TRIM16: variants seen among roughly 807,000 people sequenced by gnomAD.
The protein encoded by TRIM16 is tripartite motif-containing protein 16.
In TRIM16, 33 loss-of-function variants were observed where a neutral mutation model predicts 50.4. The ratio of observed to expected loss-of-function variants is 0.65; its 90% confidence interval spans 0.50 to 0.88. TRIM16 has a LOEUF of 0.88. Ranked by LOEUF, TRIM16 falls within the 40% of genes least tolerant of loss-of-function variation. The pLI is 0.00. For synonymous variants in TRIM16, 229 were observed against 270.7 expected, an observed-to-expected ratio of 0.85 and a Z score of 1.51; for missense variants, 581 against 686.8, an observed-to-expected ratio of 0.85 and a Z score of 1.72.
chr17:15,680,933 C>T lies in TRIM16; in HGVS notation c.-658G>A. 5 of 1,541,014 alleles carry T rather than the reference C, an allele frequency of 3.2e-6. No homozygotes were observed. The highest frequency in any genetic ancestry group is 4.4e-6 in the Non-Finnish European group (5 of 1,144,192). On this transcript the variant is annotated 5_prime_UTR_variant, in exon 4 of 12. Coordinates refer to ENST00000649191, the MANE Select transcript of TRIM16 (RefSeq NM_001348119.1). ...TTAAGATACCCCTTTTGGGAAAGGG[C>T]AGGGTCCTCAGAGGGCAGAACTGGA...
chr17:15,652,708 G>A (rs1378432108), intron 6 of TRIM16, among the ~76,000 whole-genome samples: 2 of 152,102 alleles, frequency 1.3e-5, no homozygotes, highest in East Asian at 3.9e-4. Context: ...TGATCTGCCT[G>A]CCTGGGCTTC....
At chr17:15,650,422 G>A (rs1056952827) in intron 7 of TRIM16, among the ~76,000 whole-genome samples, 3 of 152,162 alleles carry the variant, frequency 2.0e-5, no homozygotes, top group Admixed American at 6.5e-5. Context: ...TTCCTTATCC[G>A]ATGGAAATAA....
chr17:15,670,654 G>A (rs1988687246), intron 6 of TRIM16, among the ~76,000 whole-genome samples: 1 of 152,166 alleles, frequency 6.6e-6, no homozygotes, highest in Admixed American at 6.5e-5. Context: ...TCTATGAACA[G>A]GGATGATGAC....
At chr17:15,633,963 G>C (rs1489313023) in intron 9 of TRIM16, among the ~76,000 whole-genome samples, 1 of 148,376 alleles carries the variant, frequency 6.7e-6, no homozygotes. Flanking sequence ...GGGGGGCCGA[G>C]GTGGGTGGAT....
intron 7 of TRIM16, among the ~76,000 whole-genome samples, chr17:15,648,204 T>C (rs1224895007): frequency 1.4e-5 from 2 of 140,548 alleles, no homozygotes; most frequent in Non-Finnish European, 3.0e-5. Context: ...CCAGCCTGGG[T>C]GACAGAGCGA....
chr17:15,651,099 C>G lies in TRIM16; in HGVS notation c.511G>C (p.Asp171His). 6.2e-7 allele frequency: 1 copy of G among 1,607,762 alleles called. No individual in the cohort carries two copies. Among genetic ancestry groups the G allele is most frequent in the South Asian group, 1.1e-5 (1 of 90,160 alleles). The change falls in exon 7 of 12, where the codon GAC becomes CAC. Residue 171 changes from aspartate (D) to histidine (H), a missense_variant. Physicochemically the swap from Asp to His is moderately conservative, Grantham distance 81 (BLOSUM62 -1). This residue lies in a region of TRIM16 where 450 missense variants were observed against 544.3 expected (regional missense o/e 0.83). Coordinates refer to ENST00000649191, the MANE Select transcript of TRIM16 (RefSeq NM_001348119.1). ...TIVSLDAARRDKEAELQCTQL... is the reference protein window; with the variant it reads ...TIVSLDAARRHKEAELQCTQL... Reference sequence around the variant, plus strand: ...GGTCCCCAAGCACTCACCTCCTTGTCCCTGCGGGCTGCATCCAGGGAGACT... The same window carrying G: ...GGTCCCCAAGCACTCACCTCCTTGTGCCTGCGGGCTGCATCCAGGGAGACT...
Position 15,640,687 on chromosome 17 carries a change from G to A in TRIM16, c.615+2034C>T, listed in dbSNP as rs547810263. 9.9e-4 allele frequency among the ~76,000 whole-genome samples: 148 copies of A among 149,398 alleles called. 12 individuals are homozygous for A. Among genetic ancestry groups the A allele is most frequent in the African/African-American group, 3.3e-3 (132 of 40,422 alleles). On this transcript the variant is annotated intron_variant, in intron 8 of 11. Transcript: ENST00000649191. ...TGAAGAAATCTACCTCAGAAGACAG[G>A]AGAGTTTTGCTTATAACCATTTGGG...
intron 6 of TRIM16, among the ~76,000 whole-genome samples, chr17:15,670,058 G>T (rs1031034610): frequency 1.3e-5 from 2 of 152,216 alleles, no homozygotes; most frequent in African/African-American, 4.8e-5. Context: ...TCACTCATAA[G>T]AATATCACAC....
At chr17:15,658,406 AT>A (rs34903338) in intron 6 of TRIM16, among the ~76,000 whole-genome samples, 2,191 of 152,134 alleles carry the variant, frequency 0.014, 55 homozygotes, top group African/African-American at 0.05. Flanking sequence ...ATCTCACTGG[AT>A]TTTTTTCCTC....
At chr17:15,650,882 T>C (rs1459174645) in intron 7 of TRIM16, among the ~76,000 whole-genome samples, 2 of 152,068 alleles carry the variant, frequency 1.3e-5, no homozygotes, top group Admixed American at 1.3e-4. Context: ...GGGACAGAGA[T>C]GGGGACGGAG....
chr17:15,654,595 C>T (rs1987883805), intron 6 of TRIM16: 1 of 152,194 alleles, frequency 6.6e-6, no homozygotes, highest in African/African-American at 2.4e-5. Context: ...CTTTCCCAGG[C>T]ATTGTGAAGA....
chr17:15,637,395 T>TG (rs1332710261), intron 8 of TRIM16, among the ~76,000 whole-genome samples: 1 of 87,724 alleles, frequency 1.1e-5, no homozygotes, highest in East Asian at 3.8e-4. Context: ...GGGAGGGAGG[T>TG]GGGGGGGTCA....
At chr17:15,662,862 G>A (rs1216023517) in intron 6 of TRIM16, among the ~76,000 whole-genome samples, 3 of 152,212 alleles carry the variant, frequency 2.0e-5, no homozygotes, top group Non-Finnish European at 4.4e-5. Context: ...AGGGCCAGAA[G>A]CGGTCTTGGT....
rs866850436 is a variant in TRIM16, at chr17:15,640,716, G to A, written c.615+2005C>T. Among the ~76,000 whole-genome samples the A allele has an allele frequency of 4.4e-4, 66 of 149,034 alleles. 5 individuals carry two copies. The highest frequency in any genetic ancestry group is 9.7e-4 in the African/African-American group (39 of 40,300). ...GTTTTGCTTATAACCATTTGGGAGCGGGGGCAAATGGTGGTGATGGTGTTT... is the reference window on the plus strand; with the variant it reads ...GTTTTGCTTATAACCATTTGGGAGCAGGGGCAAATGGTGGTGATGGTGTTT... On this transcript the variant is annotated intron_variant, in intron 8 of 11. Coordinates refer to ENST00000649191, the MANE Select transcript of TRIM16 (RefSeq NM_001348119.1).
At position 15,640,492 on chromosome 17, in the gene TRIM16, A is replaced by T. The variant is rs886517471; in HGVS notation, c.615+2229T>A. Among the ~76,000 whole-genome samples, 21 of 148,232 alleles carry T rather than the reference A, an allele frequency of 1.4e-4. 2 individuals are homozygous for T. The highest frequency in any genetic ancestry group is 5.0e-4 in the African/African-American group (20 of 40,046). ...ACTATAAATACACAGGCTGCTGCTG[A>T]GCAGGCGACCAAGAGGGAAAGAGGC... On this transcript the variant is annotated intron_variant, in intron 8 of 11. Transcript: ENST00000649191.
At chr17:15,665,756 C>T (rs919973853) in intron 6 of TRIM16, among the ~76,000 whole-genome samples, 5 of 151,748 alleles carry the variant, frequency 3.3e-5, no homozygotes, top group Non-Finnish European at 5.9e-5. Flanking sequence ...CTCATCCATT[C>T]CTACGCCTTC....
intron 6 of TRIM16, among the ~76,000 whole-genome samples, chr17:15,671,681 T>C (rs1198587022): frequency 1.3e-5 from 2 of 152,190 alleles, no homozygotes; most frequent in African/African-American, 4.8e-5. Context: ...AAGATAGGTT[T>C]CCCTCATCAT....
intron 8 of TRIM16, among the ~76,000 whole-genome samples, chr17:15,639,451 G>T (rs192243256): frequency 2.7e-5 from 4 of 148,258 alleles, no homozygotes; most frequent in Non-Finnish European, 6.0e-5. Context: ...GTGGTAACAG[G>T]ATTAAGGAAG....
chr17:15,660,885 G>T (rs1204816184), intron 6 of TRIM16, among the ~76,000 whole-genome samples: 3 of 130,896 alleles, frequency 2.3e-5, no homozygotes, highest in African/African-American at 8.8e-5. Flanking sequence ...GCGACAGAGC[G>T]AGACTCCATC....
Sources: gnomAD v4.1 joint callset for allele counts (sites outside exome capture counted in the v4.1 genomes callset) on GRCh38, gnomAD v4.1.1 for gene constraint, gnomAD v4.1.1 regional missense constraint, MANE v1.5 for transcripts, NCBI Gene and HGNC (gene_info 2026-07-23, HGNC 2026-07-21) for gene names.